Variants in LDB2 observed in about 807,000 individuals in gnomAD.
LDB2 encodes the protein LIM domain binding 2.
A neutral mutation model predicts 44.3 loss-of-function variants in LDB2; 12 were observed. The observed-to-expected ratio is 0.27, with a 90% CI of 0.17 to 0.44. The LOEUF (loss-of-function observed/expected upper bound fraction) is 0.44. Among genes scored for constraint, LDB2 ranks in the 20% least tolerant of loss-of-function variants. The probability of loss-of-function intolerance (pLI) is 1.00; values close to 1 mark genes in which losing one functional copy is unlikely to be tolerated. For missense variants in LDB2, 344 were observed against 473.5 expected, an observed-to-expected ratio of 0.73 and a Z score of 2.54; for synonymous variants, 164 against 174.8, an observed-to-expected ratio of 0.94 and a Z score of 0.49.
intron 2 of LDB2, among the ~76,000 whole-genome samples, chr4:16,669,226 G>A (rs1744104293): frequency 6.6e-6 from 1 of 152,210 alleles, no homozygotes; most frequent in Non-Finnish European, 1.5e-5. Context: ...TGACCTCATA[G>A]TCAAGAGGTG....
chr4:16,819,092 TTGTGTGTGTGTGTG>T (rs34553159), intron 1 of LDB2, among the ~76,000 whole-genome samples: 2 of 148,962 alleles, frequency 1.3e-5, no homozygotes, highest in East Asian at 3.9e-4. Flanking sequence ...TTGTGGTTGC[TTGTGTGTGTGTGTG>T]TGTGTGTGTG....
intron 2 of LDB2, among the ~76,000 whole-genome samples, chr4:16,691,027 T>A (rs1750663779): frequency 1.3e-5 from 2 of 152,072 alleles, no homozygotes; most frequent in Non-Finnish European, 2.9e-5. Flanking sequence ...TCCAGGCAAT[T>A]TATGTTCTTT....
At chr4:16,765,772 A>T (rs1769072681) in intron 1 of LDB2, among the ~76,000 whole-genome samples, 1 of 152,234 alleles carries the variant, frequency 6.6e-6, no homozygotes, top group African/African-American at 2.4e-5. Flanking sequence ...TCTCTGTCAC[A>T]TCACTGTTAT....
chr4:16,669,101 A>G (rs1172829857), intron 2 of LDB2, among the ~76,000 whole-genome samples: 1 of 152,240 alleles, frequency 6.6e-6, no homozygotes. Flanking sequence ...AAAGTGGAGA[A>G]TGAATATTGA....
At chr4:16,742,069 CTTTTCT>C (rs1302471823) in intron 2 of LDB2, among the ~76,000 whole-genome samples, 3 of 138,370 alleles carry the variant, frequency 2.2e-5, no homozygotes, top group Non-Finnish European at 4.6e-5. Flanking sequence ...TTTTTCTTTT[CTTTTCT>C]TTTTTTTTTT....
intron 5 of LDB2, among the ~76,000 whole-genome samples, chr4:16,518,664 G>T (rs1368394258): frequency 6.6e-6 from 1 of 152,108 alleles, no homozygotes; most frequent in Non-Finnish European, 1.5e-5. Flanking sequence ...TCACTATCTT[G>T]TCCTTCACAG....
chr4:16,774,719 G>C (rs1258030699), intron 1 of LDB2, among the ~76,000 whole-genome samples: 1 of 152,052 alleles, frequency 6.6e-6, no homozygotes, highest in African/African-American at 2.4e-5. Context: ...ATATAATCTG[G>C]CCTCAGAACT....
intron 2 of LDB2, among the ~76,000 whole-genome samples, chr4:16,663,581 A>AT (rs1329441703): frequency 6.6e-6 from 1 of 152,212 alleles, no homozygotes; most frequent in Non-Finnish European, 1.5e-5. Context: ...TCAAAGCACA[A>AT]TGCATGTTTC....
intron 5 of LDB2, among the ~76,000 whole-genome samples, chr4:16,532,289 A>G (rs1460255560): frequency 1.3e-5 from 2 of 152,184 alleles, no homozygotes; most frequent in African/African-American, 4.8e-5. Context: ...GCTAAAGCAC[A>G]AATGCAGTAT....
At chr4:16,510,438 A>T (rs954704229) in intron 6 of LDB2, among the ~76,000 whole-genome samples, 7 of 152,292 alleles carry the variant, frequency 4.6e-5, no homozygotes, top group African/African-American at 1.7e-4. Context: ...AGGACATTCT[A>T]AAGTCCAGCA....
At chr4:16,741,663 T>C (rs1763274622) in intron 2 of LDB2, 1 of 152,198 alleles carries the variant, frequency 6.6e-6, no homozygotes, top group African/African-American at 2.4e-5. Flanking sequence ...TTTACTTAGA[T>C]TTTTTTCATC....
chr4:16,839,196 T>C (rs1785420318), intron 1 of LDB2, among the ~76,000 whole-genome samples: 1 of 91,424 alleles, frequency 1.1e-5, no homozygotes. Context: ...GAGACTGAGT[T>C]ATTTATAAAG....
At position 16,891,437 on chromosome 4, in the gene LDB2, C is replaced by T. The variant is rs564273279; in HGVS notation, c.132+6917G>A. 1.3e-4 allele frequency among the ~76,000 whole-genome samples: 19 copies of T among 151,274 alleles called. No individual in the cohort carries two copies. The East Asian group carries it at 3.3e-3, about 26-fold the overall frequency. On this transcript the variant is annotated intron_variant, in intron 1 of 7. Transcript: ENST00000304523. ...AAACAATTCTCCTGCCTCAGCCTCC[C>T]GTGTAGCTGAGACTACAGGCGTGTG... is the stretch of plus-strand genomic sequence containing the variant.
At chr4:16,555,858 CCTCA>C (rs910255660) in intron 5 of LDB2, among the ~76,000 whole-genome samples, 1 of 152,204 alleles carries the variant, frequency 6.6e-6, no homozygotes, top group Non-Finnish European at 1.5e-5. Flanking sequence ...ACCACTCCGC[CCTCA>C]CTCACCCCTG....
intron 2 of LDB2, among the ~76,000 whole-genome samples, chr4:16,597,801 A>G (rs1326632035): frequency 2.0e-5 from 3 of 152,198 alleles, no homozygotes; most frequent in Non-Finnish European, 4.4e-5. Flanking sequence ...TAATATAAGA[A>G]AAGTTGAATG....
Position 16,839,075 on chromosome 4 carries a change from G to T in LDB2, c.132+59279C>A, listed in dbSNP as rs548092005. Among the ~76,000 whole-genome samples, 4 of 152,312 alleles carry T rather than the reference G, an allele frequency of 2.6e-5. No homozygotes were observed. The East Asian group carries it at 7.7e-4, about 29-fold the overall frequency. Reference sequence around the variant, plus strand: ...AAAGACAAAGAAAGGAGAGGGGAATGAAACTATTTTTTATTCTTTGTATTC... The same window carrying T: ...AAAGACAAAGAAAGGAGAGGGGAATTAAACTATTTTTTATTCTTTGTATTC... On this transcript the variant is annotated intron_variant, in intron 1 of 7. Coordinates refer to ENST00000304523, the MANE Select transcript of LDB2 (RefSeq NM_001290.5).
At chr4:16,822,662 G>A (rs185605538) in intron 1 of LDB2, among the ~76,000 whole-genome samples, 61 of 151,872 alleles carry the variant, frequency 4.0e-4, no homozygotes, top group Non-Finnish European at 6.6e-4. Context: ...TTACAGGCAC[G>A]TGCCACCACG....
At chr4:16,568,453 G>C (rs1745314576) in intron 5 of LDB2, among the ~76,000 whole-genome samples, 1 of 152,128 alleles carries the variant, frequency 6.6e-6, no homozygotes, top group Admixed American at 6.5e-5. Context: ...GAACCTTATG[G>C]CTTAAAAAGC....
intron 2 of LDB2, among the ~76,000 whole-genome samples, chr4:16,703,932 C>G (rs1458177896): frequency 1.3e-5 from 2 of 152,230 alleles, no homozygotes; most frequent in African/African-American, 2.4e-5. Context: ...AACCATTTCT[C>G]TATCTAACAG....
Sources: gnomAD v4.1 joint callset for allele counts (sites outside exome capture counted in the v4.1 genomes callset) on GRCh38, gnomAD v4.1.1 for gene constraint, MANE v1.5 for transcripts, NCBI Gene and HGNC (gene_info 2026-07-23, HGNC 2026-07-21) for gene names.